Variants in POU2AF2 observed in about 807,000 individuals in gnomAD.
POU2AF2 encodes POU domain class 2-associating factor 2.
the POU2AF2 span, among the ~76,000 whole-genome samples, chr11:111,246,464 C>T: frequency 2.0e-5 from 3 of 152,052 alleles, no homozygotes; most frequent in Non-Finnish European, 2.9e-5. Context: ...CACCTGTTCG[C>T]GAACAAATTT....
At chr11:111,263,176 A>G in the POU2AF2 span, among the ~76,000 whole-genome samples, 5 of 152,218 alleles carry the variant, frequency 3.3e-5, no homozygotes, top group African/African-American at 1.2e-4. Context: ...TCTGAGCTAC[A>G]TCCCAGTATT....
chr11:111,267,431 G>A, the POU2AF2 span, among the ~76,000 whole-genome samples: 1 of 152,080 alleles, frequency 6.6e-6, no homozygotes, highest in African/African-American at 2.4e-5. Context: ...CTGTTCTCTA[G>A]AGACCTCTGG....
the POU2AF2 span, among the ~76,000 whole-genome samples, chr11:111,267,823 A>G: frequency 6.6e-6 from 1 of 152,238 alleles, no homozygotes; most frequent in Non-Finnish European, 1.5e-5. Flanking sequence ...TGATAAGGAA[A>G]GGGGAGAATA....
chr11:111,266,403 T>C, the POU2AF2 span, among the ~76,000 whole-genome samples: 206 of 152,214 alleles, frequency 1.4e-3, 2 homozygotes, highest in East Asian at 0.017. Flanking sequence ...GAACCCCCTC[T>C]GTAATCTGAA....
the POU2AF2 span, among the ~76,000 whole-genome samples, chr11:111,267,238 G>A: frequency 6.6e-6 from 1 of 152,174 alleles, no homozygotes; most frequent in Non-Finnish European, 1.5e-5. Context: ...AGAAACAGCT[G>A]CATCCAGTGG....
At chr11:111,279,658 C>G in the POU2AF2 span, among the ~76,000 whole-genome samples, 1 of 152,130 alleles carries the variant, frequency 6.6e-6, no homozygotes, top group South Asian at 2.1e-4. Flanking sequence ...TAGGACCCAC[C>G]CTAATTTAAT....
the POU2AF2 span, among the ~76,000 whole-genome samples, chr11:111,278,357 T>G: frequency 6.6e-6 from 1 of 152,236 alleles, no homozygotes; most frequent in African/African-American, 2.4e-5. Flanking sequence ...CCTGGAGAAG[T>G]TCGAACTCGA....
the POU2AF2 span, among the ~76,000 whole-genome samples, chr11:111,266,966 T>C: frequency 2.0e-5 from 3 of 152,158 alleles, no homozygotes; most frequent in African/African-American, 4.8e-5. Context: ...TCAGCTCTCA[T>C]GTCACCCTCC....
At chr11:111,275,158 G>A in the POU2AF2 span, among the ~76,000 whole-genome samples, 4 of 152,154 alleles carry the variant, frequency 2.6e-5, no homozygotes, top group African/African-American at 9.7e-5. Context: ...GTTAAAACCA[G>A]GAAGGTATCT....
chr11:111,247,217 G>A, the POU2AF2 span, among the ~76,000 whole-genome samples: 1 of 151,310 alleles, frequency 6.6e-6, no homozygotes, highest in South Asian at 2.1e-4. Context: ...GAGAGAGAGA[G>A]AGACCGTATT....
chr11:111,274,453 T>C, the POU2AF2 span, among the ~76,000 whole-genome samples: 2 of 152,222 alleles, frequency 1.3e-5, no homozygotes, highest in African/African-American at 4.8e-5. Flanking sequence ...AATTGTACCC[T>C]TAAATTTTGT....
the POU2AF2 span, chr11:111,286,077 G>C: frequency 6.3e-7 from 1 of 1,597,732 alleles, no homozygotes; most frequent in Non-Finnish European, 8.5e-7. Flanking sequence ...ATGACTTCTG[G>C]GTTTTTCTTT....
the POU2AF2 span, among the ~76,000 whole-genome samples, chr11:111,248,060 AT>A: frequency 1.5e-4 from 22 of 150,764 alleles, no homozygotes; most frequent in African/African-American, 5.1e-4. Flanking sequence ...ATTTTTTTGT[AT>A]TTTTTTAGTG....
chr11:111,272,214 TATC>T, the POU2AF2 span, among the ~76,000 whole-genome samples: 1 of 152,138 alleles, frequency 6.6e-6, no homozygotes, highest in Non-Finnish European at 1.5e-5. Context: ...CAGACTCAGA[TATC>T]ATCTATGTTT....
At chr11:111,263,302 T>C in the POU2AF2 span, among the ~76,000 whole-genome samples, 8,105 of 152,210 alleles carry the variant, frequency 0.053, 698 homozygotes, top group African/African-American at 0.18. Context: ...AATCTCATTG[T>C]TTAGGATTTA....
chr11:111,248,286 A>T, the POU2AF2 span, among the ~76,000 whole-genome samples: 1 of 152,132 alleles, frequency 6.6e-6, no homozygotes, highest in Admixed American at 6.5e-5. Context: ...CTGTGACAGG[A>T]GTCTGATTCT....
chr11:111,276,821 CAAAT>C, the POU2AF2 span, among the ~76,000 whole-genome samples: 2 of 147,332 alleles, frequency 1.4e-5, no homozygotes, highest in African/African-American at 5.0e-5. Flanking sequence ...AAAGTCAAAA[CAAAT>C]AATATTTTCA....
chr11:111,256,272 C>A, the POU2AF2 span, among the ~76,000 whole-genome samples: 5 of 152,220 alleles, frequency 3.3e-5, no homozygotes, highest in Non-Finnish European at 7.3e-5. Flanking sequence ...GTGGTGCCAG[C>A]ATTTACACCT....
the POU2AF2 span, among the ~76,000 whole-genome samples, chr11:111,258,678 T>C: frequency 6.6e-6 from 1 of 152,232 alleles, no homozygotes. Flanking sequence ...AGCCATATTA[T>C]TTTATTTCAT....
Sources: allele counts gnomAD v4.1 joint callset (sites outside exome capture counted in the v4.1 genomes callset), GRCh38; gene constraint gnomAD v4.1.1; transcripts MANE v1.5; gene names NCBI Gene and HGNC (gene_info 2026-07-23, HGNC 2026-07-21).